The following ARNT variants were observed in gnomAD, a reference collection of about 807,000 sequenced individuals.
The protein encoded by ARNT is class E basic helix-loop-helix protein 2.
Under a neutral mutation model 105.0 loss-of-function variants are expected in ARNT, and 30 were observed. The observed-to-expected ratio is 0.29, with a 90% confidence interval of 0.21 to 0.39. The LOEUF (loss-of-function observed/expected upper bound fraction) is 0.39, where lower values mean the gene tolerates loss of function less well. Among genes scored for constraint, ARNT ranks in the 10% least tolerant of loss-of-function variants. The pLI, the probability that ARNT is intolerant of heterozygous loss-of-function variation, is 1.00. For missense variants in ARNT, 748 were observed against 978.7 expected, an observed-to-expected ratio of 0.76 and a Z score of 3.15; for synonymous variants, 304 against 344.0, an observed-to-expected ratio of 0.88 and a Z score of 1.29.
At chr1:150,875,964 G>A (rs1333863925) in intron 1 of ARNT, among the ~76,000 whole-genome samples, 1 of 152,278 alleles carries the variant, frequency 6.6e-6, no homozygotes, top group East Asian at 1.9e-4. Context: ...AAGTTTCAAA[G>A]TATAGTCCGG....
chr1:150,876,481 C>T, intron 1 of ARNT, 62 bp downstream of exon 1: 1 of 1,545,620 alleles, frequency 6.5e-7, no homozygotes, highest in South Asian at 1.2e-5. Flanking sequence ...CCTGGGTCTC[C>T]TTAGTTGTCA....
intron 1 of ARNT, among the ~76,000 whole-genome samples, chr1:150,872,484 A>G (rs1350507431): frequency 6.6e-6 from 1 of 152,244 alleles, no homozygotes; most frequent in East Asian, 1.9e-4. Flanking sequence ...TAACTTGTAC[A>G]TAATAGCACA....
At chr1:150,850,425 T>G (rs1267398486) in intron 3 of ARNT, among the ~76,000 whole-genome samples, 6 of 152,294 alleles carry the variant, frequency 3.9e-5, no homozygotes, top group South Asian at 4.1e-4. Flanking sequence ...GCGATTGCAG[T>G]CGCGCGCCGC....
At chr1:150,842,517 G>C in intron 4 of ARNT, 49 bp from the exon 5 acceptor site, 1 of 1,516,690 alleles carries the variant, frequency 6.6e-7, no homozygotes. Context: ...AAAAAAGAAG[G>C]AAGGAAGGGG....
chr1:150,810,419 TGTAA>T lies in ARNT; in HGVS notation c.*1598_*1601del, dbSNP rs990673449. The T allele has an allele frequency of 9.0e-6, 2 of 222,570 alleles. No homozygotes were observed. Among genetic ancestry groups the T allele is most frequent in the Admixed American group, 5.7e-5 (1 of 17,412 alleles). The allele number at this position is 222,570 out of a possible 1,614,324, so 13.8% of individuals were successfully genotyped here. A position where few individuals can be genotyped will look rare whatever the true frequency, so the allele number is the denominator to read the frequency against. On this transcript the variant is annotated 3_prime_UTR_variant, in exon 22 of 22. Coordinates refer to ENST00000358595, the MANE Select transcript of ARNT (RefSeq NM_001668.4). ...TTGTGATATAAATATATATGTATAC[TGTAA>T]GTGTGCACATAGAATAAAAAAATAA...
At chr1:150,812,456 A>G (rs903282864) in intron 21 of ARNT, 6 of 179,082 alleles carry the variant, frequency 3.4e-5, no homozygotes, top group African/African-American at 4.7e-5. Context: ...CTTTCTTTCA[A>G]TCTTTGCTTT....
intron 1 of ARNT, 83 bp downstream of exon 1, chr1:150,876,460 G>A: frequency 2.6e-6 from 4 of 1,511,786 alleles, no homozygotes; most frequent in South Asian, 1.2e-5. Flanking sequence ...CTCCAGCTGC[G>A]TCCCCTCAGC....
intron 20 of ARNT, 124 bp from the exon 21 acceptor site, chr1:150,813,462 C>T (rs1247240945): frequency 2.0e-6 from 2 of 996,070 alleles, no homozygotes; most frequent in East Asian, 2.9e-5. Flanking sequence ...GTCCTTCTCT[C>T]TGCCAATCAA....
In ARNT at chr1:150,810,894, G is replaced by T. The variant is rs1654602840; in HGVS notation, c.*1127C>A. 1.3e-5 allele frequency: 3 copies of T among 225,336 alleles called. No individual in the cohort carries two copies. Among genetic ancestry groups the T allele is most frequent in the Admixed American group, 5.7e-5 (1 of 17,504 alleles). The allele number at this position is 225,336 out of a possible 1,614,324, so 14.0% of individuals were successfully genotyped here. A position where few individuals can be genotyped will look rare whatever the true frequency, so the allele number is the denominator to read the frequency against. On this transcript the variant is annotated 3_prime_UTR_variant, in exon 22 of 22. Coordinates refer to ENST00000358595, the MANE Select transcript of ARNT (RefSeq NM_001668.4). ...TAAATCTCAGTTGCTTGCTAAACTGGGTATTTTGAGTATGGGATGAAAGAG... is the reference window on the plus strand; with the variant it reads ...TAAATCTCAGTTGCTTGCTAAACTGTGTATTTTGAGTATGGGATGAAAGAG...
Position 150,834,570 on chromosome 1 carries a change from C to G in ARNT, c.771G>C (p.Met257Ile), listed in dbSNP as rs1659937970. ...GGCAAATAAACGATCTCCTTGAGCC[C>G]ATACACATTCTCATGGAAGACTGCT... is the stretch of plus-strand genomic sequence containing the variant. Reference protein sequence around the residue: ...EGQQSSMRMCMGSRRSFICRM... With the variant: ...EGQQSSMRMCIGSRRSFICRM... The change falls in exon 8 of 22, where the codon ATG (methionine) becomes ATC (isoleucine). Residue 257 changes from methionine to isoleucine, a missense_variant. By Grantham distance (10) the Met-to-Ile change is conservative. Coordinates refer to ENST00000358595, the MANE Select transcript of ARNT (RefSeq NM_001668.4). 2 of 1,614,036 alleles carry G rather than the reference C, an allele frequency of 1.2e-6. No homozygotes were observed. Among genetic ancestry groups the G allele is most frequent in the East Asian group, 4.5e-5 (2 of 44,864 alleles).
chr1:150,820,493 C>T (rs930248190), intron 14 of ARNT, among the ~76,000 whole-genome samples: 21 of 151,962 alleles, frequency 1.4e-4, no homozygotes, highest in African/African-American at 5.1e-4. Flanking sequence ...CCCATCTCTA[C>T]AAAAAATACA....
intron 14 of ARNT, 40 bp downstream of exon 14, chr1:150,823,154 G>A: frequency 6.8e-7 from 1 of 1,477,432 alleles, no homozygotes. Context: ...TGTGAGAACA[G>A]AGGAAAAACA....
chr1:150,869,086 G>A (rs1471062289), intron 1 of ARNT, among the ~76,000 whole-genome samples: 1 of 152,040 alleles, frequency 6.6e-6, no homozygotes, highest in African/African-American at 2.4e-5. Context: ...CTATGGTCAC[G>A]CTACTGCACT....
At chr1:150,841,121 T>A (rs963767463) in intron 5 of ARNT, among the ~76,000 whole-genome samples, 3 of 150,954 alleles carry the variant, frequency 2.0e-5, no homozygotes, top group African/African-American at 7.3e-5. Context: ...GTTTTTTTTT[T>A]TTTTATTTTT....
chr1:150,849,484 T>C (rs1557921989), intron 3 of ARNT, among the ~76,000 whole-genome samples: 1 of 152,032 alleles, frequency 6.6e-6, no homozygotes, highest in Non-Finnish European at 1.5e-5. Flanking sequence ...TTCATCAATA[T>C]ATTAAAAGGT....
rs1654499780 is a variant in ARNT at position 150,810,304 on chromosome 1, T to C, written c.*1717A>G. The stretch of plus-strand genomic sequence containing the variant: ...CCTTCCCCAAAAGCCCTATAATAAC[T>C]GTACAATATTATAGTCCTGATCACA... On this transcript the variant is annotated 3_prime_UTR_variant, in exon 22 of 22. Coordinates refer to ENST00000358595, the MANE Select transcript of ARNT (RefSeq NM_001668.4). 2 of 231,770 alleles carry C rather than the reference T, an allele frequency of 8.6e-6. No homozygotes were observed. The highest frequency in any genetic ancestry group is 5.6e-5 in the Admixed American group (1 of 17,736). 14.4% of individuals were successfully genotyped at this position (231,770 alleles called of 1,614,324 possible). A position where few individuals can be genotyped will look rare whatever the true frequency, so the allele number is the denominator to read the frequency against.
At chr1:150,852,094 A>G (rs1047916728) in intron 3 of ARNT, among the ~76,000 whole-genome samples, 11 of 152,088 alleles carry the variant, frequency 7.2e-5, no homozygotes, top group African/African-American at 2.4e-4. Context: ...CCTGCTACCT[A>G]TAAGAGGTGT....
At chr1:150,875,336 G>A (rs1175375159) in intron 1 of ARNT, among the ~76,000 whole-genome samples, 1 of 151,892 alleles carries the variant, frequency 6.6e-6, no homozygotes, top group Non-Finnish European at 1.5e-5. Context: ...CCAGAAACAC[G>A]GTAGAAAAGA....
At chr1:150,812,474 C>G (rs893160658) in intron 21 of ARNT, 1 of 168,188 alleles carries the variant, frequency 5.9e-6, no homozygotes, top group African/African-American at 2.4e-5. Context: ...TTTAAACCAG[C>G]TCTTCCTTTG....
Sources: allele counts gnomAD v4.1 joint callset (sites outside exome capture counted in the v4.1 genomes callset), GRCh38; gene constraint gnomAD v4.1.1; transcripts MANE v1.5; gene names NCBI Gene and HGNC (gene_info 2026-07-23, HGNC 2026-07-21).